ST6GAL1: variants seen among roughly 807,000 people sequenced by gnomAD.
The protein encoded by ST6GAL1 is beta-galactoside alpha-2,6-sialyltransferase 1.
ST6GAL1 carries 20 observed loss-of-function variants against 38.0 expected under a neutral mutation model. The ratio of observed to expected loss-of-function variants is 0.53; its 90% CI spans 0.37 to 0.77. The LOEUF (loss-of-function observed/expected upper bound fraction) is 0.77, where lower values mean the gene tolerates loss of function less well. Ranked by LOEUF, ST6GAL1 falls within the 30% of genes least tolerant of loss-of-function variation. ST6GAL1 has a pLI of 0.00. For missense variants in ST6GAL1, 432 were observed against 496.4 expected, an observed-to-expected ratio of 0.87 and a Z score of 1.23; for synonymous variants, 196 against 188.2, an observed-to-expected ratio of 1.04 and a Z score of -0.34.
chr3:186,964,554 T>C (rs1715039022), intron 2 of ST6GAL1, among the ~76,000 whole-genome samples: 1 of 152,152 alleles, frequency 6.6e-6, no homozygotes, highest in South Asian at 2.1e-4. Context: ...CTCTTTAAGC[T>C]TCCACAGGAT....
intron 5 of ST6GAL1, among the ~76,000 whole-genome samples, chr3:187,071,375 C>T (rs1470051865): frequency 6.6e-6 from 1 of 152,154 alleles, no homozygotes; most frequent in Non-Finnish European, 1.5e-5. Context: ...TTCTCATTCA[C>T]TCATGATCTC....
At chr3:186,993,679 C>T (rs1465751827) in intron 2 of ST6GAL1, among the ~76,000 whole-genome samples, 3 of 151,880 alleles carry the variant, frequency 2.0e-5, no homozygotes, top group Non-Finnish European at 2.9e-5. Flanking sequence ...GGAGTAGCAG[C>T]ATGCTAGAAA....
rs575957405 is a variant in ST6GAL1, at chr3:187,077,040, G to A, written c.*1237G>A. 11 of 397,962 alleles carry A rather than the reference G, an allele frequency of 2.8e-5. No homozygotes were observed. Among genetic ancestry groups the A allele is most frequent in the Admixed American group, 1.3e-4 (3 of 22,666 alleles). 24.7% of individuals were successfully genotyped at this position (397,962 alleles called of 1,614,324 possible). ...CTGACCCCAATTTCTTTGAGCTCAC[G>A]GGCCTTTTGCTGAAGGTCTCTCAGG... On this transcript the variant is annotated 3_prime_UTR_variant, in exon 8 of 8. Coordinates refer to ENST00000169298, the MANE Select transcript of ST6GAL1 (RefSeq NM_173216.2).
At chr3:186,998,316 C>G (rs1486829473) in intron 2 of ST6GAL1, among the ~76,000 whole-genome samples, 1 of 152,074 alleles carries the variant, frequency 6.6e-6, no homozygotes, top group Non-Finnish European at 1.5e-5. Context: ...AGAAGCCTTA[C>G]TGATAACATA....
chr3:186,949,791 T>G (rs1714514746), intron 1 of ST6GAL1, among the ~76,000 whole-genome samples: 1 of 152,256 alleles, frequency 6.6e-6, no homozygotes, highest in South Asian at 2.1e-4. Context: ...TGTGCAAGCT[T>G]GGCAGCTTGG....
intron 2 of ST6GAL1, among the ~76,000 whole-genome samples, chr3:187,009,033 A>T (rs754173242): frequency 2.0e-5 from 3 of 152,102 alleles, no homozygotes; most frequent in African/African-American, 4.8e-5. Context: ...AAGAAGATGG[A>T]CATTTTTAAT....
intron 4 of ST6GAL1, among the ~76,000 whole-genome samples, chr3:187,049,166 C>T (rs974065984): frequency 6.6e-6 from 1 of 152,176 alleles, no homozygotes; most frequent in African/African-American, 2.4e-5. Context: ...ACTGGGATTA[C>T]AGGCGTGAGC....
intron 2 of ST6GAL1, among the ~76,000 whole-genome samples, chr3:187,001,758 C>A (rs2108553092): frequency 6.6e-6 from 1 of 152,212 alleles, no homozygotes; most frequent in East Asian, 1.9e-4. Context: ...GAGTTTGAGA[C>A]CAGCCTGGTC....
rs562880003 is a variant in ST6GAL1, at chr3:186,954,075, T to TGA, written c.-324-9710_-324-9709insGA. Among the ~76,000 whole-genome samples the TGA allele has an allele frequency of 5.8e-4, 89 of 152,244 alleles. 1 individual carries two copies. In the South Asian group the frequency reaches 0.018, roughly 31 times the overall value. ...TAGCTCCCACTTATAAGTGAGAACA[T>TGA]ATGGTGTTTGATTTTCTCTTCCTGT... On this transcript the variant is annotated intron_variant, in intron 1 of 7. Coordinates refer to ENST00000169298, the MANE Select transcript of ST6GAL1 (RefSeq NM_173216.2).
chr3:187,075,899 G>T lies in ST6GAL1; in HGVS notation c.*96G>T. On this transcript the variant is annotated 3_prime_UTR_variant, in exon 8 of 8. Transcript: ENST00000169298. The surrounding 1 kb of genome is among the most constrained non-coding windows in gnomAD (Gnocchi z 4.1). Reference sequence around the variant, plus strand: ...ACATTTTCCTGAACAATTCCAGCCTGCTCCTTTTACTCTAGGGGCCTCTGT... The same window carrying T: ...ACATTTTCCTGAACAATTCCAGCCTTCTCCTTTTACTCTAGGGGCCTCTGT... 1.3e-6 allele frequency: 2 copies of T among 1,540,026 alleles called. No homozygotes were observed. The highest frequency in any genetic ancestry group is 1.9e-5 in the Admixed American group (1 of 53,622).
chr3:186,970,307 C>G (rs936555884), intron 2 of ST6GAL1, among the ~76,000 whole-genome samples: 2 of 151,198 alleles, frequency 1.3e-5, no homozygotes, highest in African/African-American at 4.9e-5. Context: ...CACCGCCTCC[C>G]AGGTTCAAGC....
At chr3:187,014,619 GTT>G (rs1717060979) in intron 2 of ST6GAL1, among the ~76,000 whole-genome samples, 1 of 152,232 alleles carries the variant, frequency 6.6e-6, no homozygotes, top group African/African-American at 2.4e-5. Context: ...AGTTGGGACT[GTT>G]TTGAGGACTT....
chr3:187,051,547 G>A lies in ST6GAL1; in HGVS notation c.705+201G>A, dbSNP rs1482182892. 3 of 533,204 alleles carry A rather than the reference G, an allele frequency of 5.6e-6. No individual in the cohort carries two copies. The Admixed American group carries it at 9.4e-5, about 17-fold the overall frequency. 33.0% of individuals were successfully genotyped at this position (533,204 alleles called of 1,614,324 possible). On this transcript the variant is annotated intron_variant, in intron 5 of 7. Transcript: ENST00000169298. Reference sequence around the variant, plus strand: ...TGTTTATTTAAAGAAAAACCCTTTAGTATTAGTGTCTGCTAATGGAGGTGT... The same window carrying A: ...TGTTTATTTAAAGAAAAACCCTTTAATATTAGTGTCTGCTAATGGAGGTGT...
intron 1 of ST6GAL1, among the ~76,000 whole-genome samples, chr3:186,951,508 C>T (rs59322089): frequency 0.13 from 20,265 of 152,144 alleles, 1,542 homozygotes; most frequent in South Asian, 0.24. Context: ...CTCAAACTAA[C>T]GAAATCAAAG....
chr3:186,972,288 C>T (rs1335244841), intron 2 of ST6GAL1, among the ~76,000 whole-genome samples: 1 of 151,712 alleles, frequency 6.6e-6, no homozygotes, highest in Non-Finnish European at 1.5e-5. Context: ...ACTCTGACAC[C>T]CAGGCTGGAG....
At chr3:186,945,496 C>G (rs1380227695) in intron 1 of ST6GAL1, among the ~76,000 whole-genome samples, 2 of 152,054 alleles carry the variant, frequency 1.3e-5, no homozygotes, top group African/African-American at 2.4e-5. Flanking sequence ...GATTAATCGA[C>G]AAACATACTT....
intron 2 of ST6GAL1, among the ~76,000 whole-genome samples, chr3:186,989,093 C>A (rs1005855185): frequency 2.6e-5 from 4 of 152,124 alleles, no homozygotes; most frequent in African/African-American, 7.2e-5. Flanking sequence ...TTGGGTCACA[C>A]CTGGAACTGA....
At chr3:187,022,519 A>C (rs1717363700) in intron 2 of ST6GAL1, among the ~76,000 whole-genome samples, 1 of 152,178 alleles carries the variant, frequency 6.6e-6, no homozygotes, top group African/African-American at 2.4e-5. Context: ...GTGGGGGCCT[A>C]GGTCCTTGGA....
chr3:186,947,728 A>G (rs567954828), intron 1 of ST6GAL1, among the ~76,000 whole-genome samples: 1 of 152,314 alleles, frequency 6.6e-6, no homozygotes, highest in Non-Finnish European at 1.5e-5. Context: ...TTCCTTGCCT[A>G]TAGAAGGGGA....
Sources: gnomAD v4.1 joint callset for allele counts (sites outside exome capture counted in the v4.1 genomes callset) on GRCh38, gnomAD v4.1.1 for gene constraint, Gnocchi (gnomAD v3.1) non-coding constraint, MANE v1.5 for transcripts, NCBI Gene and HGNC (gene_info 2026-07-23, HGNC 2026-07-21) for gene names.